Variants in EPHA3 observed in about 807,000 individuals in gnomAD.
EPHA3 encodes ephrin type-A receptor 3.
Under a neutral mutation model 107.1 loss-of-function variants are expected in EPHA3, and 42 were observed. The ratio of observed to expected loss-of-function variants is 0.39; its 90% CI spans 0.31 to 0.51. The LOEUF (loss-of-function observed/expected upper bound fraction) is 0.51, where lower values mean the gene tolerates loss of function less well. EPHA3 is among the 20% of genes least tolerant of loss of function. EPHA3 has a pLI of 0.78. For missense variants in EPHA3, 1,183 were observed against 1,211.2 expected (o/e 0.98, Z 0.35); for synonymous variants, 461 against 424.8 (o/e 1.09, Z -1.05).
chr3:89,438,268 C>T (rs770861356), intron 13 of EPHA3, among the ~76,000 whole-genome samples: 1 of 151,724 alleles, frequency 6.6e-6, no homozygotes, highest in African/African-American at 2.4e-5. Flanking sequence ...ATCACTACAC[C>T]CGGCTAATTT....
chr3:89,200,622 A>G (rs1705946543), intron 2 of EPHA3, among the ~76,000 whole-genome samples: 1 of 152,140 alleles, frequency 6.6e-6, no homozygotes, highest in South Asian at 2.1e-4. Flanking sequence ...GCACTGCCCA[A>G]ATTGTTCCTG....
At chr3:89,171,998 G>T (rs1487017209) in intron 2 of EPHA3, among the ~76,000 whole-genome samples, 1 of 152,016 alleles carries the variant, frequency 6.6e-6, no homozygotes, top group African/African-American at 2.4e-5. Flanking sequence ...TCTTCCATTC[G>T]CTTTTGTTTC....
intron 3 of EPHA3, among the ~76,000 whole-genome samples, chr3:89,246,363 T>C (rs1705033647): frequency 6.6e-6 from 1 of 152,220 alleles, no homozygotes; most frequent in African/African-American, 2.4e-5. Context: ...AGTTAATTGT[T>C]TATTTGATAT....
At chr3:89,347,303 G>A (rs1171500304) in intron 5 of EPHA3, among the ~76,000 whole-genome samples, 5 of 146,180 alleles carry the variant, frequency 3.4e-5, no homozygotes, top group Non-Finnish European at 3.1e-5. Flanking sequence ...TTGAGCAGTG[G>A]TTTGTAGTTC....
chr3:89,473,739 A>G (rs1229411425), intron 16 of EPHA3, among the ~76,000 whole-genome samples: 1 of 152,142 alleles, frequency 6.6e-6, no homozygotes, highest in Non-Finnish European at 1.5e-5. Context: ...CCAAAGTCAT[A>G]TGTTTACTAG....
chr3:89,367,740 A>T (rs1318773394), intron 5 of EPHA3, among the ~76,000 whole-genome samples: 5 of 150,564 alleles, frequency 3.3e-5, no homozygotes, highest in Non-Finnish European at 7.4e-5. Context: ...CTTCACCTAA[A>T]ATACAATTAT....
At chr3:89,407,119 G>T (rs1709069882) in intron 7 of EPHA3, 150 bp from the exon 8 acceptor site, 2 of 591,004 alleles carry the variant, frequency 3.4e-6, no homozygotes. Context: ...ATTAAGTAAA[G>T]AATACTTTCA....
chr3:89,218,050 A>G (rs1704259526), intron 3 of EPHA3, among the ~76,000 whole-genome samples: 1 of 152,164 alleles, frequency 6.6e-6, no homozygotes, highest in South Asian at 2.1e-4. Flanking sequence ...TCATGCATAA[A>G]TGTTTTATGG....
At chr3:89,369,946 AC>A (rs1708260635) in intron 5 of EPHA3, among the ~76,000 whole-genome samples, 1 of 150,804 alleles carries the variant, frequency 6.6e-6, no homozygotes, top group Admixed American at 6.6e-5. Context: ...GCAAATCAAA[AC>A]CACAATCAGA....
chr3:89,460,823 C>CTCTT (rs1199238290), intron 15 of EPHA3, among the ~76,000 whole-genome samples: 140 of 102,996 alleles, frequency 1.4e-3, no homozygotes, highest in African/African-American at 4.4e-3. Context: ...CTCTGTCTCT[C>CTCTT]TTTTTTTTTT....
At chr3:89,259,745 A>T (rs74937713) in intron 3 of EPHA3, among the ~76,000 whole-genome samples, 37,654 of 152,050 alleles carry the variant, frequency 0.25, 5,217 homozygotes, top group African/African-American at 0.39. Flanking sequence ...TAGTCACTGT[A>T]GTCCTTGTGT....
At chr3:89,434,798 A>G (rs753290585) in intron 13 of EPHA3, among the ~76,000 whole-genome samples, 73 of 152,302 alleles carry the variant, frequency 4.8e-4, no homozygotes, top group Non-Finnish European at 6.9e-4. Flanking sequence ...TTTCTGTTCC[A>G]GTCACTGAAG....
intron 2 of EPHA3, among the ~76,000 whole-genome samples, chr3:89,161,287 GT>G (rs1704935734): frequency 6.6e-6 from 1 of 152,126 alleles, no homozygotes; most frequent in South Asian, 2.1e-4. Context: ...AAGAAATATA[GT>G]GAAGTCTCTC....
At chr3:89,216,070 T>C (rs561991907) in intron 3 of EPHA3, among the ~76,000 whole-genome samples, 3 of 152,062 alleles carry the variant, frequency 2.0e-5, no homozygotes, top group Non-Finnish European at 4.4e-5. Context: ...AATGTGCAAA[T>C]AGTAATTTAG....
At chr3:89,248,645 C>T (rs1412335722) in intron 3 of EPHA3, among the ~76,000 whole-genome samples, 3 of 152,072 alleles carry the variant, frequency 2.0e-5, no homozygotes, top group African/African-American at 7.2e-5. Context: ...AGTGTTTATA[C>T]GATAGTCAAC....
At chr3:89,121,196 A>C (rs969030508) in intron 1 of EPHA3, among the ~76,000 whole-genome samples, 1 of 152,176 alleles carries the variant, frequency 6.6e-6, no homozygotes, top group Non-Finnish European at 1.5e-5. Context: ...AGATCGTGCC[A>C]CTGCACTCCA....
At chr3:89,189,623 A>T (rs1464180434) in intron 2 of EPHA3, among the ~76,000 whole-genome samples, 1 of 152,102 alleles carries the variant, frequency 6.6e-6, no homozygotes, top group Non-Finnish European at 1.5e-5. Context: ...ACACTAAGAG[A>T]CCTAGCTCTA....
intron 5 of EPHA3, among the ~76,000 whole-genome samples, chr3:89,358,048 A>T (rs1440446911): frequency 6.6e-6 from 1 of 151,296 alleles, no homozygotes; most frequent in Non-Finnish European, 1.5e-5. Context: ...GTGCGTGTGT[A>T]TATATGTACA....
chr3:89,181,601 T>C (rs1327452749), intron 2 of EPHA3, among the ~76,000 whole-genome samples: 1 of 151,990 alleles, frequency 6.6e-6, no homozygotes, highest in African/African-American at 2.4e-5. Context: ...TTTGAGCTTT[T>C]GGATTATTAG....
Sources: allele counts gnomAD v4.1 joint callset (sites outside exome capture counted in the v4.1 genomes callset), GRCh38; gene constraint gnomAD v4.1.1; transcripts MANE v1.5; gene names NCBI Gene and HGNC (gene_info 2026-07-23, HGNC 2026-07-21).